Variants in MRAP2 observed in about 807,000 individuals in gnomAD.
MRAP2 encodes the protein melanocortin-2 receptor accessory protein 2.
In MRAP2, 20 loss-of-function variants were observed where a neutral mutation model predicts 17.4. The observed-to-expected ratio is 1.15, with a 90% CI of 0.81 to 1.67. The LOEUF is 1.67. MRAP2 is among the 40% of genes most tolerant of loss of function. MRAP2 has a pLI of 0.00. For missense variants in MRAP2, 238 were observed against 240.0 expected (o/e 0.99, Z 0.05); for synonymous variants, 96 against 88.4 (o/e 1.09, Z -0.48).
intron 3 of MRAP2, among the ~76,000 whole-genome samples, chr6:84,065,284 C>CAAAAA (rs34029427): frequency 1.5e-5 from 2 of 135,626 alleles, no homozygotes; most frequent in South Asian, 2.4e-4. Context: ...GACCCTGTCT[C>CAAAAA]AAAAAAAAAA....
intron 2 of MRAP2, among the ~76,000 whole-genome samples, chr6:84,056,231 C>A (rs968428796): frequency 1.3e-5 from 2 of 152,136 alleles, no homozygotes; most frequent in African/African-American, 4.8e-5. Context: ...TTAACTGGTC[C>A]AGGTTAGTGG....
chr6:84,054,932 C>G (rs1033851852), intron 1 of MRAP2, among the ~76,000 whole-genome samples: 1 of 152,296 alleles, frequency 6.6e-6, no homozygotes, highest in South Asian at 2.1e-4. Flanking sequence ...TCAGCAGGCT[C>G]TTTACATACT....
At chr6:84,033,487 A>C (rs2099485071), upstream of MRAP2, among the ~76,000 whole-genome samples, 1 of 152,324 alleles carries the variant, frequency 6.6e-6, no homozygotes, top group East Asian at 1.9e-4. Context: ...TGCTCAGCTA[A>C]TGAGCTCCTC....
intron 1 of MRAP2, among the ~76,000 whole-genome samples, chr6:84,049,786 A>T (rs1260966946): frequency 6.6e-6 from 1 of 152,172 alleles, no homozygotes; most frequent in Non-Finnish European, 1.5e-5. Context: ...GCTTATGTGC[A>T]CAGGAGAAGG....
chr6:84,057,450 T>C (rs542239891), intron 2 of MRAP2, among the ~76,000 whole-genome samples: 1 of 152,326 alleles, frequency 6.6e-6, no homozygotes, highest in African/African-American at 2.4e-5. Context: ...TCTGCTGAAA[T>C]TAAGATTCCT....
At chr6:84,143,528 ATAAT>A in the MRAP2 span, among the ~76,000 whole-genome samples, 1 of 152,124 alleles carries the variant, frequency 6.6e-6, no homozygotes, top group African/African-American at 2.4e-5. Context: ...AAGGGAAAAA[ATAAT>A]TAAATCTGTA....
chr6:84,051,598 A>G (rs1388588593), intron 1 of MRAP2, among the ~76,000 whole-genome samples: 1 of 152,102 alleles, frequency 6.6e-6, no homozygotes, highest in African/African-American at 2.4e-5. Flanking sequence ...TGGCTCATGC[A>G]TGTAATCTCA....
At chr6:84,073,693 T>C (rs1482417328) in intron 3 of MRAP2, among the ~76,000 whole-genome samples, 3 of 152,194 alleles carry the variant, frequency 2.0e-5, no homozygotes, top group Non-Finnish European at 4.4e-5. Flanking sequence ...GGTTTACTTA[T>C]TGAGACTTTG....
At chr6:84,134,128 C>T in the MRAP2 span, among the ~76,000 whole-genome samples, 17 of 152,322 alleles carry the variant, frequency 1.1e-4, no homozygotes, top group East Asian at 1.9e-4. Context: ...CTGCCCAGTT[C>T]GAACTTCCTG....
At chr6:84,103,284 T>C in the MRAP2 span, among the ~76,000 whole-genome samples, 1 of 152,238 alleles carries the variant, frequency 6.6e-6, no homozygotes, top group Non-Finnish European at 1.5e-5. Flanking sequence ...GTAGATAAAA[T>C]CTGTGGGGAT....
At chr6:84,137,780 C>A in the MRAP2 span, among the ~76,000 whole-genome samples, 1 of 151,750 alleles carries the variant, frequency 6.6e-6, no homozygotes, top group Non-Finnish European at 1.5e-5. Flanking sequence ...TACTAAAACA[C>A]AAAAGAATAT....
intron 3 of MRAP2, among the ~76,000 whole-genome samples, chr6:84,070,411 C>G (rs1253215975): frequency 6.6e-6 from 1 of 152,036 alleles, no homozygotes; most frequent in African/African-American, 2.4e-5. Context: ...TTTGAAGGTT[C>G]CTTTTGGAGT....
chr6:84,115,331 G>A, the MRAP2 span, among the ~76,000 whole-genome samples: 265 of 152,262 alleles, frequency 1.7e-3, 1 homozygote, highest in Non-Finnish European at 3.0e-3. Context: ...AGCTGCAGTC[G>A]GCTTCACCTA....
chr6:84,063,245 A>G (rs1036157257), intron 3 of MRAP2: 5 of 985,324 alleles, frequency 5.1e-6, no homozygotes, highest in Non-Finnish European at 6.0e-6. Flanking sequence ...AGTCTTAATG[A>G]TGATGTGGGC....
intron 3 of MRAP2, 128 bp downstream of exon 3, chr6:84,063,120 G>A: frequency 6.7e-7 from 1 of 1,492,904 alleles, no homozygotes; most frequent in Non-Finnish European, 8.9e-7. Context: ...TTTGCTGTCT[G>A]GACCCAGATG....
chr6:84,085,118 G>A (rs1041635007), intron 3 of MRAP2, among the ~76,000 whole-genome samples: 4 of 151,386 alleles, frequency 2.6e-5, no homozygotes, highest in South Asian at 2.1e-4. Flanking sequence ...GCAGTGGCGC[G>A]ATCTCGGCTC....
the MRAP2 span, among the ~76,000 whole-genome samples, chr6:84,115,113 TCCACA>T: frequency 6.6e-6 from 1 of 152,140 alleles, no homozygotes; most frequent in African/African-American, 2.4e-5. Context: ...TGCTGGGAGA[TCCACA>T]GCTCTCTTCA....
the MRAP2 span, among the ~76,000 whole-genome samples, chr6:84,127,960 A>T: frequency 1.3e-5 from 2 of 152,312 alleles, no homozygotes; most frequent in African/African-American, 2.4e-5. Context: ...ATGATGTGCT[A>T]GGCATTAGGC....
intron 2 of MRAP2, 113 bp downstream of exon 2, chr6:84,055,558 C>G: frequency 9.6e-7 from 1 of 1,041,176 alleles, no homozygotes; most frequent in Non-Finnish European, 1.4e-6. Context: ...ACTCTCTGTC[C>G]TCTACCTCCC....
Sources: gnomAD v4.1 joint callset for allele counts (sites outside exome capture counted in the v4.1 genomes callset) on GRCh38, gnomAD v4.1.1 for gene constraint, MANE v1.5 for transcripts, NCBI Gene and HGNC (gene_info 2026-07-23, HGNC 2026-07-21) for gene names.